Variants in DNMT3A observed in about 807,000 individuals in gnomAD.
The protein encoded by DNMT3A is DNA (cytosine-5)-methyltransferase 3A.
A neutral mutation model predicts 117.6 loss-of-function variants in DNMT3A; 267 were observed. The observed-to-expected ratio is 2.27, with a 90% CI of 2.05 to 2.51. The LOEUF (loss-of-function observed/expected upper bound fraction) is 2.51. DNMT3A is among the 30% of genes most tolerant of loss of function. The probability of loss-of-function intolerance (pLI) is 0.00; values close to 1 mark genes in which losing one functional copy is unlikely to be tolerated. For synonymous variants in DNMT3A, 432 were observed against 474.8 expected (o/e 0.91, Z 1.17); for missense variants, 1,029 against 1,260.2 (o/e 0.82, Z 2.78).
At chr2:25,340,800 C>A (rs1391313207) in intron 1 of DNMT3A, among the ~76,000 whole-genome samples, 1 of 150,656 alleles carries the variant, frequency 6.6e-6, no homozygotes, top group East Asian at 2.0e-4. Flanking sequence ...GCGTACCCCC[C>A]CTGCGCCGCT....
chr2:25,318,561 C>T (rs1036881343), intron 1 of DNMT3A, among the ~76,000 whole-genome samples: 66 of 152,296 alleles, frequency 4.3e-4, no homozygotes, highest in African/African-American at 1.5e-3. Flanking sequence ...GCTGGAATTA[C>T]AGGTGTGAGC....
At chr2:25,308,078 C>T (rs921577902) in intron 2 of DNMT3A, among the ~76,000 whole-genome samples, 15 of 152,210 alleles carry the variant, frequency 9.9e-5, no homozygotes, top group African/African-American at 3.6e-4. Context: ...TAAGCCCACA[C>T]TCTGTCCCCA....
Position 25,228,448 on chromosome 2 carries a change from T to C in DNMT3A, c.*5831A>G, listed in dbSNP as rs1293579174. The C allele has an allele frequency of 6.6e-6, 1 of 151,898 alleles. No individual in the cohort carries two copies. The highest frequency in any genetic ancestry group is 1.5e-5 in the Non-Finnish European group (1 of 67,994). The allele number at this position is 151,898 out of a possible 1,614,324, so 9.4% of individuals were successfully genotyped here. On this transcript the variant is annotated 3_prime_UTR_variant, in exon 23 of 23. Coordinates refer to ENST00000321117, the MANE Select transcript of DNMT3A (RefSeq NM_022552.5). ...AATCGTCTGTAACAGTAAAAGTTATTACCAAATCAGCTACGGAGTTTATTC... is the reference window on the plus strand; with the variant it reads ...AATCGTCTGTAACAGTAAAAGTTATCACCAAATCAGCTACGGAGTTTATTC...
Position 25,313,919 on chromosome 2 carries a change from G to A in DNMT3A, c.66C>T (p.Asp22=), listed in dbSNP as rs2034256009. 1.9e-6 allele frequency: 3 copies of A among 1,549,510 alleles called. No individual in the cohort carries two copies. The highest frequency in any genetic ancestry group is 3.9e-5 in the Admixed American group (2 of 50,990). Residue 22 remains aspartate, a synonymous_variant, in exon 2 of 23, where the codon GAC becomes GAT. Transcript: ENST00000321117. ...AGCAGAGCCCGCTGCTCACCTTTCG[G>A]TCCTCCTCCCGCTCCGCAGCAGAGC... is the stretch of plus-strand genomic sequence containing the variant. ...TSSSAAEREE[D]RKDGEEQEEP...
Position 25,231,235 on chromosome 2 carries a change from C to T in DNMT3A, c.*3044G>A, listed in dbSNP as rs192230289. On this transcript the variant is annotated 3_prime_UTR_variant, in exon 23 of 23. Coordinates refer to ENST00000321117, the MANE Select transcript of DNMT3A (RefSeq NM_022552.5). ...GAGTGGCGCTGGTGGACTCCAGGCC[C>T]GAAGGACAGAGCCCCGCGGGAGCAA... 0.011 allele frequency: 1,643 copies of T among 152,438 alleles called. 12 individuals are homozygous for T. Among genetic ancestry groups the T allele is most frequent in the Non-Finnish European group, 0.017 (1,152 of 68,158 alleles). 9.4% of individuals were successfully genotyped at this position (152,438 alleles called of 1,614,324 possible). A position where few individuals can be genotyped will look rare whatever the true frequency, so the allele number is the denominator to read the frequency against.
chr2:25,250,535 C>G (rs1023632032), intron 6 of DNMT3A, among the ~76,000 whole-genome samples: 1 of 152,202 alleles, frequency 6.6e-6, no homozygotes, highest in Non-Finnish European at 1.5e-5. Context: ...CAGAACTCTG[C>G]CCTCCCCTTC....
At chr2:25,263,802 T>A (rs1676803734) in intron 6 of DNMT3A, among the ~76,000 whole-genome samples, 1 of 152,202 alleles carries the variant, frequency 6.6e-6, no homozygotes, top group African/African-American at 2.4e-5. Context: ...CTTCCCCCAC[T>A]GTCCCTGCCA....
At chr2:25,328,482 C>A (rs2034872539) in intron 1 of DNMT3A, among the ~76,000 whole-genome samples, 1 of 152,186 alleles carries the variant, frequency 6.6e-6, no homozygotes, top group African/African-American at 2.4e-5. Flanking sequence ...TTCTCCTCGA[C>A]CACCCACCCA....
At chr2:25,341,772 C>T in intron 1 of DNMT3A, 54 bp downstream of exon 1, 1 of 974,768 alleles carries the variant, frequency 1.0e-6, no homozygotes, top group Non-Finnish European at 1.2e-6. Flanking sequence ...GGCTCCCCGG[C>T]TCCCCGCCGC....
chr2:25,264,455 A>T (rs973889434), intron 6 of DNMT3A, among the ~76,000 whole-genome samples: 19 of 147,626 alleles, frequency 1.3e-4, no homozygotes, highest in Admixed American at 2.0e-4. Context: ...TTTTTTTTTT[A>T]AAAAGAGTTT....
In DNMT3A at chr2:25,298,843, C is replaced by A. The variant is rs544746631; in HGVS notation, c.177+1296G>T. On this transcript the variant is annotated intron_variant, in intron 3 of 22. Transcript: ENST00000321117. The surrounding 1 kb of genome is among the most constrained non-coding windows in gnomAD (Gnocchi z 4.3). ...CCAGTAAAATGACTTCACTCCGCCC[C>A]CCTGCCCCCCGCCTCAAATCTTCAG... is the stretch of plus-strand genomic sequence containing the variant. Among the ~76,000 whole-genome samples the A allele has an allele frequency of 9.5e-4, 145 of 152,220 alleles. No individual in the cohort carries two copies. The highest frequency in any genetic ancestry group is 3.4e-3 in the Middle Eastern group (1 of 294).
In DNMT3A at chr2:25,244,566, GA is replaced by G; in HGVS notation, c.1640del (p.Leu547ProfsTer104). On this transcript the variant is annotated frameshift_variant, in exon 14 of 23. Coordinates refer to ENST00000321117, the MANE Select transcript of DNMT3A (RefSeq NM_022552.5). LOFTEE classifies it high-confidence loss of function. Reference sequence around the variant, plus strand: ...TGCAGCAGTTGTTGTTTCCGCACATGAGCACCTCACGGCCCCCACAGCAGAT... The same window carrying G: ...TGCAGCAGTTGTTGTTTCCGCACATGGCACCTCACGGCCCCCACAGCAGAT... ...CTICCGGREVLMCGNNNCCRC... is the reference protein window; with the variant it reads ...CTICCGGREVXMCGNNNCCRC... The G allele has an allele frequency of 6.2e-7, 1 of 1,614,190 alleles. No homozygotes were observed. Among genetic ancestry groups the G allele is most frequent in the Non-Finnish European group, 8.5e-7 (1 of 1,180,018 alleles).
chr2:25,304,104 G>C lies in DNMT3A; in HGVS notation c.73-3861C>G, dbSNP rs1210658102. Among the ~76,000 whole-genome samples the C allele has an allele frequency of 6.6e-6, 1 of 152,168 alleles. No homozygotes were observed. The highest frequency in any genetic ancestry group is 1.5e-5 in the Non-Finnish European group (1 of 68,032). ...TTCGCGGGAACAGATTTGAGCCCAG[G>C]TTGGTTTCCTCATCTGTCAAGCCAG... On this transcript the variant is annotated intron_variant, in intron 2 of 22. Transcript: ENST00000321117. This position sits in a 1 kb window ranked among gnomAD's most constrained non-coding sequence, Gnocchi z 4.3.
chr2:25,284,801 T>C (rs2032177097), intron 3 of DNMT3A, among the ~76,000 whole-genome samples: 1 of 152,070 alleles, frequency 6.6e-6, no homozygotes, highest in African/African-American at 2.4e-5. Flanking sequence ...CCAGATTTTT[T>C]CCTATGCATT....
intron 4 of DNMT3A, among the ~76,000 whole-genome samples, chr2:25,279,723 A>G (rs1407406991): frequency 3.3e-5 from 5 of 150,410 alleles, no homozygotes; most frequent in East Asian, 3.9e-4. Flanking sequence ...GTCTCACTCT[A>G]TTGCCCAGGC....
Position 25,252,545 on chromosome 2 carries a change from G to C in DNMT3A, c.640-4293C>G, listed in dbSNP as rs1015757442. Among the ~76,000 whole-genome samples the C allele has an allele frequency of 2.0e-5, 3 of 151,292 alleles. No individual in the cohort carries two copies. The highest frequency in any genetic ancestry group is 7.3e-5 in the African/African-American group (3 of 41,200). ...CCCGTTCCCAGGGCCCGCCCAGGCC[G>C]GGCTGCAGGGAGCGCCCCGCCTTCG... On this transcript the variant is annotated intron_variant, in intron 6 of 22. Transcript: ENST00000321117. The surrounding 1 kb of genome is among the most constrained non-coding windows in gnomAD (Gnocchi z 5.5).
intron 1 of DNMT3A, among the ~76,000 whole-genome samples, chr2:25,323,278 T>C (rs1445378261): frequency 6.6e-6 from 1 of 152,170 alleles, no homozygotes; most frequent in Non-Finnish European, 1.5e-5. Flanking sequence ...GACAGAGGGA[T>C]AAAGCGTTGT....
At position 25,306,755 on chromosome 2, in the gene DNMT3A, A is replaced by C. The variant is rs749131; in HGVS notation, c.73-6512T>G. On this transcript the variant is annotated intron_variant, in intron 2 of 22. Coordinates refer to ENST00000321117, the MANE Select transcript of DNMT3A (RefSeq NM_022552.5). This position sits in a 1 kb window ranked among gnomAD's most constrained non-coding sequence, Gnocchi z 4.1. Reference sequence around the variant, plus strand: ...ACAAGGCCAGACACAGGGGTGCACTAAAAAAATCTATTGAGCACCTACTGT... The same window carrying C: ...ACAAGGCCAGACACAGGGGTGCACTCAAAAAATCTATTGAGCACCTACTGT... 0.53 allele frequency among the ~76,000 whole-genome samples: 80,431 copies of C among 152,022 alleles called. 21,547 individuals are homozygous for C. Among genetic ancestry groups the C allele is most frequent in the African/African-American group, 0.57 (23,528 of 41,436 alleles).
At chr2:25,303,508 C>T (rs2033626864) in intron 2 of DNMT3A, among the ~76,000 whole-genome samples, 1 of 152,374 alleles carries the variant, frequency 6.6e-6, no homozygotes, top group East Asian at 1.9e-4. Context: ...GCCACCTCTC[C>T]AGGTCCTGAC....
Sources: allele counts gnomAD v4.1 joint callset (sites outside exome capture counted in the v4.1 genomes callset), GRCh38; gene constraint gnomAD v4.1.1; non-coding constraint Gnocchi (gnomAD v3.1); transcripts MANE v1.5; gene names NCBI Gene and HGNC (gene_info 2026-07-23, HGNC 2026-07-21).